Variants in CATSPER3 observed in about 807,000 individuals in gnomAD.
CATSPER3 encodes cation channel sperm associated 3.
Under a neutral mutation model 36.6 loss-of-function variants are expected in CATSPER3, and 23 were observed. That is an observed-to-expected ratio of 0.63 (90% CI 0.45 to 0.89). The LOEUF is 0.89. CATSPER3 is among the 40% of genes least tolerant of loss of function. The probability of loss-of-function intolerance (pLI) is 0.00; values close to 1 mark genes in which losing one functional copy is unlikely to be tolerated. For missense variants in CATSPER3, 474 were observed against 503.9 expected, an observed-to-expected ratio of 0.94 and a Z score of 0.57; for synonymous variants, 172 against 184.1, an observed-to-expected ratio of 0.93 and a Z score of 0.53.
intron 2 of CATSPER3, among the ~76,000 whole-genome samples, chr5:134,973,138 AT>A (rs1751626572): frequency 6.6e-6 from 1 of 152,242 alleles, no homozygotes; most frequent in South Asian, 2.1e-4. Flanking sequence ...TTACTAAAGA[AT>A]AGGTTTCAGC....
rs749703073 is a variant in CATSPER3 at position 134,996,339 on chromosome 5, A to G, written c.319A>G (p.Ile107Val). The change falls in exon 3 of 8, where the codon ATC becomes GTC. Residue 107 changes from isoleucine (I) to valine (V), a missense_variant. Ile to Val is a conservative substitution (Grantham distance 29). Coordinates refer to ENST00000282611, the MANE Select transcript of CATSPER3 (RefSeq NM_178019.3). ...GTCCATGAAGGTCTATGTGGACCCC[A>G]TCAACTACTGGAAGAACGGCTACAA... is the stretch of plus-strand genomic sequence containing the variant. ...ELSMKVYVDP[I>V]NYWKNGYNLL... is the part of the protein sequence containing the mutation. 1.2e-6 allele frequency: 2 copies of G among 1,614,216 alleles called. No individual in the cohort carries two copies. The highest frequency in any genetic ancestry group is 1.7e-6 in the Non-Finnish European group (2 of 1,180,010).
intron 3 of CATSPER3, among the ~76,000 whole-genome samples, chr5:134,999,054 A>G (rs1181323433): frequency 6.6e-6 from 1 of 152,194 alleles, no homozygotes; most frequent in African/African-American, 2.4e-5. Flanking sequence ...TAGGTCTAGC[A>G]TTTAAGTCTT....
chr5:135,008,867 G>A lies in CATSPER3; in HGVS notation c.702G>A (p.Lys234=), dbSNP rs971065225. Residue 234 remains lysine, a synonymous_variant, in exon 5 of 8, where the codon AAG becomes AAA. Coordinates refer to ENST00000282611, the MANE Select transcript of CATSPER3 (RefSeq NM_178019.3). ...TTGATGGCTGGACAGACCTGCAGAA[G>A]CAGTTGGACAATCGGGAATTTGCTT... is the stretch of plus-strand genomic sequence containing the variant. ...ATVDGWTDLQ[K]QLDNREFALS... 11 of 1,614,060 alleles carry A rather than the reference G, an allele frequency of 6.8e-6. No individual in the cohort carries two copies. The highest frequency in any genetic ancestry group is 5.0e-5 in the Admixed American group (3 of 60,008).
At position 135,008,959 on chromosome 5, in the gene CATSPER3, G is replaced by C. The variant is rs1752141733; in HGVS notation, c.794G>C (p.Gly265Ala). 6.2e-7 allele frequency: 1 copy of C among 1,613,762 alleles called. No individual in the cohort carries two copies. The highest frequency in any genetic ancestry group is 1.3e-5 in the African/African-American group (1 of 74,914). The change falls in exon 5 of 8, where the codon GGT becomes GCT. Residue 265 changes from glycine to alanine, a missense_variant. Gly to Ala is a moderately conservative substitution (Grantham distance 60). Coordinates refer to ENST00000282611, the MANE Select transcript of CATSPER3 (RefSeq NM_178019.3). The stretch of plus-strand genomic sequence containing the variant: ...TTCATCTTCCTCAACATGTTCGTGG[G>C]TGTGATGATCATGCACACAGAGGTG... ...ASFIFLNMFV[G>A]VMIMHTEDSI...
At chr5:135,005,820 G>A (rs1010595287) in intron 3 of CATSPER3, among the ~76,000 whole-genome samples, 1 of 152,226 alleles carries the variant, frequency 6.6e-6, no homozygotes, top group African/African-American at 2.4e-5. Flanking sequence ...TGTGATGTGA[G>A]CATTAGTCCC....
intron 2 of CATSPER3, among the ~76,000 whole-genome samples, chr5:134,973,463 C>G (rs116983500): frequency 2.0e-5 from 3 of 152,272 alleles, no homozygotes; most frequent in East Asian, 3.9e-4. Flanking sequence ...TTTCTGTCAT[C>G]TCCTGTGTTC....
At chr5:134,981,852 A>G (rs1374774494) in intron 2 of CATSPER3, among the ~76,000 whole-genome samples, 1 of 152,226 alleles carries the variant, frequency 6.6e-6, no homozygotes, top group Non-Finnish European at 1.5e-5. Context: ...CAAAGAGGCC[A>G]GGTGCGGTGG....
chr5:134,968,160 T>TCAC, intron 1 of CATSPER3, 71 bp downstream of exon 1: 2 of 1,065,102 alleles, frequency 1.9e-6, no homozygotes, highest in South Asian at 2.6e-5. Flanking sequence ...GGTGTCAGTG[T>TCAC]TCTCTCAGCC....
chr5:134,968,838 TAAAC>T (rs562664517), intron 1 of CATSPER3: 5 of 151,942 alleles, frequency 3.3e-5, no homozygotes, highest in Non-Finnish European at 4.4e-5. Context: ...TAAATGGAAA[TAAAC>T]AGGAAAAAGA....
intron 2 of CATSPER3, among the ~76,000 whole-genome samples, chr5:134,985,654 A>G (rs985120818): frequency 3.3e-5 from 5 of 152,130 alleles, no homozygotes; most frequent in African/African-American, 7.2e-5. Flanking sequence ...CACATCTGCA[A>G]TCCCAGCACT....
chr5:134,995,772 A>G (rs1751937599), intron 2 of CATSPER3: 1 of 207,454 alleles, frequency 4.8e-6, no homozygotes, highest in Non-Finnish European at 9.9e-6. Context: ...AAGCCATTAG[A>G]GTTGTAGATG....
At position 134,982,661 on chromosome 5, in the gene CATSPER3, G is replaced by A. The variant is rs532693788; in HGVS notation, c.252+12569G>A. Reference sequence around the variant, plus strand: ...CAGATAAACAAAAATGAGAGGGTTTGTTGCTAGTAAACCTGCCCTCAAAAA... The same window carrying A: ...CAGATAAACAAAAATGAGAGGGTTTATTGCTAGTAAACCTGCCCTCAAAAA... On this transcript the variant is annotated intron_variant, in intron 2 of 7. Coordinates refer to ENST00000282611, the MANE Select transcript of CATSPER3 (RefSeq NM_178019.3). Among the ~76,000 whole-genome samples, 3 of 152,302 alleles carry A rather than the reference G, an allele frequency of 2.0e-5. No individual in the cohort carries two copies. The East Asian group carries it at 5.8e-4, about 29-fold the overall frequency.
chr5:135,007,812 AC>A, intron 3 of CATSPER3, 144 bp from the exon 4 acceptor site: 1 of 108,116 alleles, frequency 9.2e-6, no homozygotes, highest in South Asian at 6.1e-5. Context: ...CAACCCACCC[AC>A]CCACCCTTAT....
intron 2 of CATSPER3, among the ~76,000 whole-genome samples, chr5:134,991,781 A>C (rs1320701232): frequency 6.6e-6 from 1 of 152,236 alleles, no homozygotes; most frequent in East Asian, 1.9e-4. Context: ...AAGAAAAAAC[A>C]GACAAATTGG....
At chr5:134,987,587 A>G (rs2149548731) in intron 2 of CATSPER3, among the ~76,000 whole-genome samples, 1 of 152,344 alleles carries the variant, frequency 6.6e-6, no homozygotes, top group South Asian at 2.1e-4. Flanking sequence ...TGGAGCCAGA[A>G]GCATACTTAG....
Position 134,967,972 on chromosome 5 carries a change from A to G in CATSPER3, c.-20A>G, listed in dbSNP as rs1363316218. The G allele has an allele frequency of 1.4e-5, 23 of 1,589,956 alleles. No individual in the cohort carries two copies. The highest frequency in any genetic ancestry group is 2.0e-5 in the Non-Finnish European group (23 of 1,158,058). On this transcript the variant is annotated 5_prime_UTR_variant, in exon 1 of 8. In the 5' UTR this introduces an upstream ATG that the reference lacks. Transcript: ENST00000282611. Reference sequence around the variant, plus strand: ...CTGTTGGATGCTAAAAGCAAGGAATAAAAGTTGAAAATTTGGAAAATGTCT... The same window carrying G: ...CTGTTGGATGCTAAAAGCAAGGAATGAAAGTTGAAAATTTGGAAAATGTCT...
At chr5:134,980,593 G>A (rs1751738889) in intron 2 of CATSPER3, among the ~76,000 whole-genome samples, 1 of 151,622 alleles carries the variant, frequency 6.6e-6, no homozygotes, top group South Asian at 2.1e-4. Context: ...ACCACACCCA[G>A]CTAATTTTTG....
chr5:135,003,595 C>A (rs1580914176), intron 3 of CATSPER3, among the ~76,000 whole-genome samples: 1 of 152,226 alleles, frequency 6.6e-6, no homozygotes, highest in African/African-American at 2.4e-5. Flanking sequence ...CTGCTGTGGG[C>A]TCCACTCAGT....
rs532382815 is a variant in CATSPER3, at chr5:134,989,156, C to T, written c.253-7117C>T. Among the ~76,000 whole-genome samples the T allele has an allele frequency of 2.2e-3, 331 of 152,214 alleles. 2 individuals are homozygous for T. The highest frequency in any genetic ancestry group is 0.02 in the Admixed American group (311 of 15,268). On this transcript the variant is annotated intron_variant, in intron 2 of 7. Transcript: ENST00000282611. Reference sequence around the variant, plus strand: ...ATATTCCATAAACCATGCTGTAAACCGATATGCTGTCATCCGGGCTTTGTT... The same window carrying T: ...ATATTCCATAAACCATGCTGTAAACTGATATGCTGTCATCCGGGCTTTGTT...
Sources: gnomAD v4.1 joint callset for allele counts (sites outside exome capture counted in the v4.1 genomes callset) on GRCh38, gnomAD v4.1.1 for gene constraint, MANE v1.5 for transcripts, NCBI Gene and HGNC (gene_info 2026-07-23, HGNC 2026-07-21) for gene names.